The following UNC5D variants were observed in gnomAD, a reference collection of about 807,000 sequenced individuals.
UNC5D encodes the protein netrin receptor UNC5D.
A neutral mutation model predicts 105.4 loss-of-function variants in UNC5D; 39 were observed. The ratio of observed to expected loss-of-function variants is 0.37; its 90% CI spans 0.29 to 0.48. The LOEUF is 0.48. Among genes scored for constraint, UNC5D ranks in the 20% least tolerant of loss-of-function variants. The pLI is 0.98. For synonymous variants in UNC5D, 452 were observed against 450.4 expected, an observed-to-expected ratio of 1.00 and a Z score of -0.04; for missense variants, 991 against 1,202.4, an observed-to-expected ratio of 0.82 and a Z score of 2.60.
intron 1 of UNC5D, among the ~76,000 whole-genome samples, chr8:35,290,476 A>G (rs1342228924): frequency 7.0e-6 from 1 of 142,600 alleles, no homozygotes; most frequent in Non-Finnish European, 1.5e-5. Context: ...GGCTGGGGTA[A>G]GGGTAGGGGG....
intron 4 of UNC5D, among the ~76,000 whole-genome samples, chr8:35,605,075 C>T (rs769896120): frequency 2.6e-5 from 4 of 152,258 alleles, no homozygotes; most frequent in East Asian, 1.9e-4. Context: ...AGCTTTGTTC[C>T]GTTGCTGGTG....
chr8:35,477,621 A>C (rs1810200217), intron 1 of UNC5D, among the ~76,000 whole-genome samples: 1 of 152,110 alleles, frequency 6.6e-6, no homozygotes, highest in Non-Finnish European at 1.5e-5. Flanking sequence ...TGTGGCTACT[A>C]AGTAACATGG....
intron 16 of UNC5D, among the ~76,000 whole-genome samples, chr8:35,784,272 C>T (rs1208980243): frequency 6.6e-6 from 1 of 152,114 alleles, no homozygotes; most frequent in Non-Finnish European, 1.5e-5. Context: ...ACTCAATGAA[C>T]TTACATAGAT....
intron 10 of UNC5D, chr8:35,727,718 A>G (rs1212726959): frequency 6.6e-6 from 1 of 152,174 alleles, no homozygotes; most frequent in Non-Finnish European, 1.5e-5. Flanking sequence ...TTCATTGGTC[A>G]ATGTTTTAGG....
At chr8:35,507,298 G>T (rs1047569661) in intron 1 of UNC5D, among the ~76,000 whole-genome samples, 2 of 151,782 alleles carry the variant, frequency 1.3e-5, no homozygotes, top group African/African-American at 2.4e-5. Flanking sequence ...CTCGTGATCC[G>T]CCCGCCTCGG....
At chr8:35,720,347 T>C (rs571917347) in intron 8 of UNC5D, among the ~76,000 whole-genome samples, 94 of 152,332 alleles carry the variant, frequency 6.2e-4, no homozygotes, top group African/African-American at 2.1e-3. Context: ...TTTCTCTGTA[T>C]GTGCTCATTT....
At chr8:35,356,459 A>G (rs962588772) in intron 1 of UNC5D, among the ~76,000 whole-genome samples, 1 of 152,072 alleles carries the variant, frequency 6.6e-6, no homozygotes, top group South Asian at 2.1e-4. Flanking sequence ...CCACTGACTA[A>G]TTTAATACCT....
At chr8:35,441,132 T>C (rs1807367405) in intron 1 of UNC5D, among the ~76,000 whole-genome samples, 1 of 151,858 alleles carries the variant, frequency 6.6e-6, no homozygotes, top group African/African-American at 2.4e-5. Context: ...TAAGGCTGGA[T>C]CCAGAGATTA....
chr8:35,759,774 G>A (rs898268489), intron 14 of UNC5D, among the ~76,000 whole-genome samples: 2 of 152,154 alleles, frequency 1.3e-5, no homozygotes, highest in African/African-American at 4.8e-5. Flanking sequence ...TATAGAGCCA[G>A]GTTTGTGAGT....
intron 8 of UNC5D, among the ~76,000 whole-genome samples, chr8:35,712,968 T>C (rs1257250232): frequency 1.3e-5 from 2 of 152,188 alleles, no homozygotes; most frequent in African/African-American, 4.8e-5. Context: ...TTTCCGAAAA[T>C]TGCCTGACTT....
At chr8:35,409,131 G>T (rs1350808212) in intron 1 of UNC5D, among the ~76,000 whole-genome samples, 1 of 151,896 alleles carries the variant, frequency 6.6e-6, no homozygotes, top group Non-Finnish European at 1.5e-5. Context: ...GTATTCCATT[G>T]TCTGGATGTA....
At chr8:35,764,727 T>A (rs1801689626) in intron 14 of UNC5D, among the ~76,000 whole-genome samples, 1 of 152,230 alleles carries the variant, frequency 6.6e-6, no homozygotes. Flanking sequence ...TGTCAGCTGA[T>A]GGTACAAGCA....
chr8:35,475,550 A>G (rs989465516), intron 1 of UNC5D, among the ~76,000 whole-genome samples: 1 of 152,162 alleles, frequency 6.6e-6, no homozygotes, highest in Non-Finnish European at 1.5e-5. Context: ...AAAGGAACCC[A>G]ACTATAGCTG....
chr8:35,451,325 G>A (rs1808139512), intron 1 of UNC5D, among the ~76,000 whole-genome samples: 1 of 152,152 alleles, frequency 6.6e-6, no homozygotes, highest in Non-Finnish European at 1.5e-5. Context: ...TTACAGGCAT[G>A]AGCCACTGCA....
chr8:35,281,412 C>CT (rs919305661), intron 1 of UNC5D, among the ~76,000 whole-genome samples: 1 of 50,012 alleles, frequency 2.0e-5, no homozygotes, highest in Non-Finnish European at 4.7e-5. Context: ...TCTTTTAATA[C>CT]TTTTTTTTTC....
intron 1 of UNC5D, among the ~76,000 whole-genome samples, chr8:35,236,815 G>C (rs1003805643): frequency 5.9e-5 from 9 of 152,110 alleles, no homozygotes; most frequent in African/African-American, 1.7e-4. Context: ...GAAAAAAATC[G>C]GAAGCTTTGC....
At chr8:35,365,823 C>T (rs1802089461) in intron 1 of UNC5D, among the ~76,000 whole-genome samples, 1 of 151,926 alleles carries the variant, frequency 6.6e-6, no homozygotes, top group Admixed American at 6.6e-5. Flanking sequence ...GCTTTGAGTG[C>T]ATCTTATTAA....
chr8:35,525,373 C>T, intron 1 of UNC5D: 1 of 1,611,930 alleles, frequency 6.2e-7, no homozygotes, highest in Non-Finnish European at 8.5e-7. Context: ...ATGTTTTTTT[C>T]TTGCCATTTA....
At chr8:35,557,133 C>G (rs1328688898) in intron 2 of UNC5D, among the ~76,000 whole-genome samples, 1 of 152,132 alleles carries the variant, frequency 6.6e-6, no homozygotes, top group Non-Finnish European at 1.5e-5. Flanking sequence ...TCTAAACAAC[C>G]TTTCCATGTC....
Sources: gnomAD v4.1 joint callset for allele counts (sites outside exome capture counted in the v4.1 genomes callset) on GRCh38, gnomAD v4.1.1 for gene constraint, MANE v1.5 for transcripts, NCBI Gene and HGNC (gene_info 2026-07-23, HGNC 2026-07-21) for gene names.